DCC: variants seen among roughly 807,000 people sequenced by gnomAD.
DCC encodes DCC netrin 1 receptor.
DCC carries 58 observed loss-of-function variants against 172.5 expected under a neutral mutation model. The observed-to-expected ratio is 0.34, with a 90% CI of 0.27 to 0.42. The LOEUF is 0.42. Among genes scored for constraint, DCC ranks in the 10% least tolerant of loss-of-function variants. The pLI is 1.00. For synonymous variants in DCC, 709 were observed against 644.5 expected (o/e 1.10, Z -1.52); for missense variants, 1,740 against 1,791.0 (o/e 0.97, Z 0.51).
chr18:53,398,191 A>G (rs2145026666), intron 18 of DCC, among the ~76,000 whole-genome samples: 1 of 152,212 alleles, frequency 6.6e-6, no homozygotes, highest in South Asian at 2.1e-4. Flanking sequence ...AACTGCACCA[A>G]TTTTCAAATT....
chr18:52,359,853 G>A (rs1256990860), intron 1 of DCC, among the ~76,000 whole-genome samples: 1 of 152,150 alleles, frequency 6.6e-6, no homozygotes, highest in Non-Finnish European at 1.5e-5. Context: ...CAGTGAGAGA[G>A]GAATTAATAT....
chr18:52,716,569 G>A (rs1957854544), intron 1 of DCC, among the ~76,000 whole-genome samples: 2 of 152,190 alleles, frequency 1.3e-5, no homozygotes, highest in South Asian at 4.1e-4. Flanking sequence ...ATATAAGTAA[G>A]TCTGATGCCT....
At chr18:52,416,023 TC>T (rs1987013529) in intron 1 of DCC, among the ~76,000 whole-genome samples, 2 of 152,120 alleles carry the variant, frequency 1.3e-5, no homozygotes, top group Non-Finnish European at 2.9e-5. Flanking sequence ...GCTATAAATT[TC>T]CCTCTACACA....
In DCC at chr18:53,531,624, A is replaced by G. The variant is rs1487351025; in HGVS notation, c.*971A>G. 1.3e-5 allele frequency: 2 copies of G among 152,144 alleles called. No homozygotes were observed. Among genetic ancestry groups the G allele is most frequent in the Non-Finnish European group, 2.9e-5 (2 of 68,022 alleles). 9.4% of individuals were successfully genotyped at this position (152,144 alleles called of 1,614,324 possible). On this transcript the variant is annotated 3_prime_UTR_variant, in exon 29 of 29. Transcript: ENST00000442544. ...CGTTGGGTGAAATGGCCAGCTCCAC[A>G]TGTCATATGGTGCACTGGCCAATGT...
At chr18:52,407,374 G>T (rs1308442586) in intron 1 of DCC, among the ~76,000 whole-genome samples, 2 of 152,056 alleles carry the variant, frequency 1.3e-5, no homozygotes, top group African/African-American at 4.8e-5. Flanking sequence ...AATAAGAGAT[G>T]AATGTGCATT....
chr18:53,223,267 C>T (rs2055971737), intron 12 of DCC, among the ~76,000 whole-genome samples: 2 of 151,938 alleles, frequency 1.3e-5, no homozygotes, highest in Non-Finnish European at 2.9e-5. Context: ...TTTGTCTTTT[C>T]CAATTTATTG....
chr18:53,397,554 A>G (rs1468127291), intron 18 of DCC, 108 bp downstream of exon 18: 4 of 1,223,392 alleles, frequency 3.3e-6, no homozygotes, highest in African/African-American at 1.5e-5. Flanking sequence ...CTTATCCTAT[A>G]TAAAATAGTT....
At chr18:53,158,334 T>G (rs1305261427) in intron 8 of DCC, among the ~76,000 whole-genome samples, 24 of 152,184 alleles carry the variant, frequency 1.6e-4, no homozygotes, top group Admixed American at 1.6e-3. Context: ...CATTTTTTTC[T>G]CAACATTTTC....
chr18:53,013,041 G>A (rs1483545735), intron 5 of DCC, among the ~76,000 whole-genome samples: 1 of 152,144 alleles, frequency 6.6e-6, no homozygotes, highest in Non-Finnish European at 1.5e-5. Context: ...CATACCGTTA[G>A]AATGGCAATC....
chr18:53,350,382 T>A (rs1416556329), intron 15 of DCC, among the ~76,000 whole-genome samples: 11 of 152,200 alleles, frequency 7.2e-5, no homozygotes, highest in Non-Finnish European at 1.3e-4. Context: ...AGTACATAAA[T>A]AACATAGGTT....
intron 15 of DCC, among the ~76,000 whole-genome samples, chr18:53,374,654 C>T (rs548951014): frequency 3.3e-5 from 5 of 152,138 alleles, no homozygotes; most frequent in Admixed American, 1.3e-4. Flanking sequence ...ATGACATATG[C>T]TAACATACTA....
chr18:52,760,306 C>T (rs1216693121), intron 2 of DCC, among the ~76,000 whole-genome samples: 1 of 152,150 alleles, frequency 6.6e-6, no homozygotes, highest in African/African-American at 2.4e-5. Context: ...ATGAGAACAG[C>T]ATTGGGGAAC....
At chr18:52,871,032 C>T (rs528851628) in intron 2 of DCC, among the ~76,000 whole-genome samples, 3 of 152,214 alleles carry the variant, frequency 2.0e-5, no homozygotes, top group South Asian at 4.2e-4. Flanking sequence ...TGGACTTTTC[C>T]AGCACTAACC....
chr18:52,499,742 C>G (rs2030947059), intron 1 of DCC, among the ~76,000 whole-genome samples: 3 of 152,090 alleles, frequency 2.0e-5, no homozygotes, highest in South Asian at 2.1e-4. Flanking sequence ...TGTATATTTT[C>G]TAGTGTTTTT....
intron 5 of DCC, among the ~76,000 whole-genome samples, chr18:52,985,023 T>C (rs1228562387): frequency 6.6e-6 from 1 of 152,146 alleles, no homozygotes; most frequent in African/African-American, 2.4e-5. Flanking sequence ...TAATGTCCTA[T>C]TATTAAAGTG....
intron 20 of DCC, among the ~76,000 whole-genome samples, chr18:53,412,836 A>G (rs546041697): frequency 6.6e-6 from 1 of 152,340 alleles, no homozygotes; most frequent in East Asian, 1.9e-4. Context: ...TCACTGTTTA[A>G]TTAAAAGGAC....
chr18:53,318,258 C>A (rs563812531), intron 13 of DCC, among the ~76,000 whole-genome samples: 1 of 152,170 alleles, frequency 6.6e-6, no homozygotes, highest in South Asian at 2.1e-4. Context: ...CATTCAGGAC[C>A]AGGTTGTTCA....
intron 21 of DCC, among the ~76,000 whole-genome samples, chr18:53,429,718 A>G (rs975817881): frequency 3.8e-4 from 58 of 152,110 alleles, no homozygotes; most frequent in African/African-American, 1.3e-3. Flanking sequence ...TGGAAAATAA[A>G]ACCAAAGGTT....
chr18:52,655,476 C>G (rs907123530), intron 1 of DCC, among the ~76,000 whole-genome samples: 18 of 152,076 alleles, frequency 1.2e-4, no homozygotes, highest in African/African-American at 4.3e-4. Flanking sequence ...ATAGCTTCTG[C>G]AGCTAATTAA....
Sources: allele counts gnomAD v4.1 joint callset (sites outside exome capture counted in the v4.1 genomes callset), GRCh38; gene constraint gnomAD v4.1.1; transcripts MANE v1.5; gene names NCBI Gene and HGNC (gene_info 2026-07-23, HGNC 2026-07-21).